SNRNP40: variants seen among roughly 807,000 people sequenced by gnomAD.
The protein encoded by SNRNP40 is small nuclear ribonucleoprotein U5 subunit 40.
A neutral mutation model predicts 45.8 loss-of-function variants in SNRNP40; 21 were observed. That is an observed-to-expected ratio of 0.46 (90% CI 0.32 to 0.66). The LOEUF (loss-of-function observed/expected upper bound fraction) is 0.66. Among genes scored for constraint, SNRNP40 ranks in the 30% least tolerant of loss-of-function variants. SNRNP40 has a pLI of 0.03. For synonymous variants in SNRNP40, 142 were observed against 163.8 expected (o/e 0.87, Z 1.01); for missense variants, 344 against 439.1 (o/e 0.78, Z 1.94).
At chr1:31,293,721 AC>A (rs1646122518) in intron 1 of SNRNP40, among the ~76,000 whole-genome samples, 1 of 152,136 alleles carries the variant, frequency 6.6e-6, no homozygotes, top group Non-Finnish European at 1.5e-5. Flanking sequence ...AGCCAGGACT[AC>A]AGGCATGAAC....
At position 31,289,410 on chromosome 1, in the gene SNRNP40, G is replaced by C. The variant is rs1431870401; in HGVS notation, c.375C>G (p.Phe125Leu). 3.9e-5 allele frequency: 63 copies of C among 1,612,512 alleles called. No homozygotes were observed. Among genetic ancestry groups the C allele is most frequent in the Non-Finnish European group, 5.3e-5 (62 of 1,178,876 alleles). ...CCACGGTTTTATCTGTGGATGCTGA[G>C]AAAAGCATACTAGAAAGTAAGAGAA... ...LHYNTDGSMLFSASTDKTVAV... is the reference protein window; with the variant it reads ...LHYNTDGSMLLSASTDKTVAV... Residue 125 changes from phenylalanine to leucine, a missense_variant, in exon 4 of 10, where the codon TTC becomes TTG. Phe to Leu is a conservative substitution (Grantham distance 22). Coordinates refer to ENST00000263694, the MANE Select transcript of SNRNP40 (RefSeq NM_004814.3).
At chr1:31,291,003 G>A (rs1646102332) in intron 3 of SNRNP40, among the ~76,000 whole-genome samples, 1 of 151,774 alleles carries the variant, frequency 6.6e-6, no homozygotes, top group African/African-American at 2.4e-5. Flanking sequence ...AATTAACAGT[G>A]ATTGGCCAGG....
intron 5 of SNRNP40, among the ~76,000 whole-genome samples, chr1:31,273,363 C>T (rs1192830240): frequency 6.6e-6 from 1 of 152,138 alleles, no homozygotes. Flanking sequence ...AAAAAATCTA[C>T]AGCAGGGGTG....
At position 31,261,312 on chromosome 1, in the gene SNRNP40, T is replaced by C. The variant is rs1182906911; in HGVS notation, c.1024+217A>G. The C allele has an allele frequency of 9.3e-6, 5 of 537,920 alleles. No individual in the cohort carries two copies. The Admixed American group carries it at 9.7e-5, about 10-fold the overall frequency. 33.3% of individuals were successfully genotyped at this position (537,920 alleles called of 1,614,324 possible). A position where few individuals can be genotyped will look rare whatever the true frequency, so the allele number is the denominator to read the frequency against. ...GTTGCAGTGAGCCAAGATTGCACCATTGCTCCAACCTGGGCAAAACAGCGA... is the reference window on the plus strand; with the variant it reads ...GTTGCAGTGAGCCAAGATTGCACCACTGCTCCAACCTGGGCAAAACAGCGA... On this transcript the variant is annotated intron_variant, in intron 9 of 9. Coordinates refer to ENST00000263694, the MANE Select transcript of SNRNP40 (RefSeq NM_004814.3).
chr1:31,269,006 G>A (rs929622024), intron 7 of SNRNP40, 152 bp downstream of exon 7: 8 of 681,102 alleles, frequency 1.2e-5, no homozygotes, highest in South Asian at 3.3e-5. Context: ...ATTTCTATCC[G>A]TTTTATTTTT....
intron 6 of SNRNP40, 33 bp from the exon 7 acceptor site, chr1:31,269,273 A>G (rs1645920959): frequency 6.2e-7 from 1 of 1,612,100 alleles, no homozygotes; most frequent in Non-Finnish European, 8.5e-7. Flanking sequence ...CAAACCAACC[A>G]AAACAACTAT....
chr1:31,263,889 C>G (rs1026229543), intron 8 of SNRNP40, among the ~76,000 whole-genome samples: 4 of 134,258 alleles, frequency 3.0e-5, no homozygotes, highest in African/African-American at 1.1e-4. Context: ...TTTACTTTCA[C>G]TTACCCTCCA....
At chr1:31,267,755 G>A (rs953782634) in intron 8 of SNRNP40, 116 bp downstream of exon 8, 23 of 735,570 alleles carry the variant, frequency 3.1e-5, no homozygotes, top group Non-Finnish European at 4.4e-5. Flanking sequence ...GGCTGGTCTC[G>A]AACTGACCTC....
At chr1:31,281,732 T>C (rs939322550) in intron 4 of SNRNP40, 5 of 343,446 alleles carry the variant, frequency 1.5e-5, no homozygotes, top group Non-Finnish European at 2.7e-5. Flanking sequence ...GACTTCTTTG[T>C]TGAAGTGAAC....
At chr1:31,279,747 AAAAAAAAG>A (rs1404737547) in intron 5 of SNRNP40, among the ~76,000 whole-genome samples, 2 of 141,078 alleles carry the variant, frequency 1.4e-5, no homozygotes, top group Non-Finnish European at 3.2e-5. Flanking sequence ...ACTCTGTCTC[AAAAAAAAG>A]AAAAGTAGAA....
At chr1:31,287,866 G>A (rs137888063) in intron 4 of SNRNP40, among the ~76,000 whole-genome samples, 1 of 152,278 alleles carries the variant, frequency 6.6e-6, no homozygotes, top group Non-Finnish European at 1.5e-5. Flanking sequence ...GGCGTGGTAT[G>A]GGTCCCTGTA....
In SNRNP40 at chr1:31,271,361, T is replaced by C. The variant is rs763832224; in HGVS notation, c.775+18A>G. On this transcript the variant is annotated intron_variant, in intron 6 of 9. Coordinates refer to ENST00000263694, the MANE Select transcript of SNRNP40 (RefSeq NM_004814.3). The stretch of plus-strand genomic sequence containing the variant: ...CTTTTTCCTTGGATCCTGGGAGAGA[T>C]TTCCTTTCCAAAGTTACCTGTATTG... 11 of 1,600,100 alleles carry C rather than the reference T, an allele frequency of 6.9e-6. No individual in the cohort carries two copies. Among genetic ancestry groups the C allele is most frequent in the Admixed American group, 3.6e-5 (2 of 56,272 alleles).
At chr1:31,293,595 T>C (rs1248715367) in intron 1 of SNRNP40, among the ~76,000 whole-genome samples, 4 of 152,224 alleles carry the variant, frequency 2.6e-5, no homozygotes, top group Non-Finnish European at 5.9e-5. Flanking sequence ...ACCAACTTTT[T>C]TTTGGAGATA....
chr1:31,282,423 A>C (rs1411051397), intron 4 of SNRNP40: 1 of 152,034 alleles, frequency 6.6e-6, no homozygotes, highest in African/African-American at 2.4e-5. Context: ...GGAAGGAGAC[A>C]ATTTGGGGAA....
In SNRNP40 at chr1:31,288,666, C is replaced by CTTT. The variant is rs1553167229; in HGVS notation, c.531+587_531+588insAAA. Among the ~76,000 whole-genome samples, 245 of 105,206 alleles carry CTTT rather than the reference C, an allele frequency of 2.3e-3. 2 individuals are homozygous for CTTT. The highest frequency in any genetic ancestry group is 0.01 in the Middle Eastern group (2 of 192). 69.0% of individuals were successfully genotyped at this position (105,206 alleles called of 152,430 possible). A position where few individuals can be genotyped will look rare whatever the true frequency, so the allele number is the denominator to read the frequency against. On this transcript the variant is annotated intron_variant, in intron 4 of 9. Coordinates refer to ENST00000263694, the MANE Select transcript of SNRNP40 (RefSeq NM_004814.3). The stretch of plus-strand genomic sequence containing the variant: ...TATATTGTCTATAATCTCAGAACAG[C>CTTT]CTTTTTTTTTTTTTTGCTACCTCCC...
At chr1:31,271,711 A>G (rs1645940093) in intron 5 of SNRNP40, among the ~76,000 whole-genome samples, 1 of 151,616 alleles carries the variant, frequency 6.6e-6, no homozygotes, top group Non-Finnish European at 1.5e-5. Context: ...TGGCACTATC[A>G]TGGCTCGCTG....
At chr1:31,269,100 C>T in intron 7 of SNRNP40, 58 bp downstream of exon 7, 1 of 1,477,300 alleles carries the variant, frequency 6.8e-7, no homozygotes, top group Non-Finnish European at 9.1e-7. Flanking sequence ...TTAGTACCAC[C>T]TTAAATGTTT....
Position 31,289,505 on chromosome 1 carries a change from AT to A in SNRNP40, c.366-87del. ...TTTCCTACTTGACAAAAGGTGCCAA[AT>A]TTTTCAAGATCACTGACCTGCTGTG... On this transcript the variant is annotated intron_variant, in intron 3 of 9. Coordinates refer to ENST00000263694, the MANE Select transcript of SNRNP40 (RefSeq NM_004814.3). 3 of 1,234,832 alleles carry A rather than the reference AT, an allele frequency of 2.4e-6. No homozygotes were observed. The South Asian group carries it at 4.0e-5, about 16-fold the overall frequency. 76.5% of individuals were successfully genotyped at this position (1,234,832 alleles called of 1,614,324 possible). A position where few individuals can be genotyped will look rare whatever the true frequency, so the allele number is the denominator to read the frequency against.
At chr1:31,287,774 C>T (rs533841230) in intron 4 of SNRNP40, among the ~76,000 whole-genome samples, 3 of 152,178 alleles carry the variant, frequency 2.0e-5, no homozygotes, top group East Asian at 3.9e-4. Flanking sequence ...CCGAGGGGGG[C>T]GGATCACAAG....
Sources: allele counts gnomAD v4.1 joint callset (sites outside exome capture counted in the v4.1 genomes callset), GRCh38; gene constraint gnomAD v4.1.1; transcripts MANE v1.5; gene names NCBI Gene and HGNC (gene_info 2026-07-23, HGNC 2026-07-21).